Variants in ZNF382 observed in about 807,000 individuals in gnomAD.
ZNF382 encodes the protein KRAB/zinc finger suppressor protein 1.
Under a neutral mutation model 38.8 loss-of-function variants are expected in ZNF382, and 20 were observed. The observed-to-expected ratio is 0.51, with a 90% confidence interval of 0.36 to 0.75. The LOEUF is 0.75. Among genes scored for constraint, ZNF382 ranks in the 30% least tolerant of loss-of-function variants. The pLI is 0.00. For synonymous variants in ZNF382, 202 were observed against 223.1 expected (o/e 0.91, Z 0.84); for missense variants, 546 against 654.1 (o/e 0.83, Z 1.80).
intron 4 of ZNF382, among the ~76,000 whole-genome samples, chr19:36,619,950 C>G (rs2037156058): frequency 6.6e-6 from 1 of 152,100 alleles, no homozygotes; most frequent in Non-Finnish European, 1.5e-5. Context: ...CCAGGATGGT[C>G]TCTATCTCCT....
intron 1 of ZNF382, chr19:36,605,679 G>T (rs2037015341): frequency 1.3e-5 from 2 of 152,172 alleles, no homozygotes; most frequent in Non-Finnish European, 2.9e-5. Flanking sequence ...TCGCGCGCGC[G>T]GGCGCGCGCT....
chr19:36,622,581 G>A (rs1568631112), intron 4 of ZNF382, among the ~76,000 whole-genome samples: 1 of 152,178 alleles, frequency 6.6e-6, no homozygotes, highest in East Asian at 1.9e-4. Context: ...AGTGTCCAAA[G>A]TTTTTATTGG....
chr19:36,607,649 A>C (rs957635283), intron 2 of ZNF382, 27 bp downstream of exon 2: 4 of 1,511,474 alleles, frequency 2.6e-6, no homozygotes, highest in Non-Finnish European at 3.5e-6. Context: ...TCTCTTTCTG[A>C]AATAACTTTT....
chr19:36,608,105 G>T (rs1020451756), intron 2 of ZNF382: 2 of 154,056 alleles, frequency 1.3e-5, no homozygotes, highest in African/African-American at 4.8e-5. Flanking sequence ...TGGAGCAGAC[G>T]TGGAAAAACC....
intron 1 of ZNF382, 72 bp from the exon 2 acceptor site, chr19:36,607,480 C>G (rs2037043851): frequency 1.1e-6 from 1 of 886,246 alleles, no homozygotes; most frequent in Admixed American, 2.2e-5. Context: ...GCAGATTTAA[C>G]TGAGTTAATT....
rs1430647551 is a variant in ZNF382 at position 36,610,737 on chromosome 19, A to G, written c.227A>G (p.Tyr76Cys). The G allele has an allele frequency of 1.9e-6, 3 of 1,611,048 alleles. No homozygotes were observed. The highest frequency in any genetic ancestry group is 2.7e-5 in the African/African-American group (2 of 74,980). ...CAGAGAATTTTTCCAAGTTACAGCT[A>G]CCTAGGTGAGTCTATAAATGAAGTC... ...WTQRIFPSYS[Y>C]LEEDGKTEDV... The change falls in exon 4 of 5, where the codon TAC becomes TGC. Residue 76 changes from tyrosine (Y) to cysteine (C), a missense_variant. Transcript: ENST00000292928.
chr19:36,618,847 G>T (rs978295685), intron 4 of ZNF382, among the ~76,000 whole-genome samples: 5 of 152,100 alleles, frequency 3.3e-5, no homozygotes, highest in African/African-American at 1.2e-4. Flanking sequence ...AGACCACCCT[G>T]CCCAACATGG....
intron 3 of ZNF382, chr19:36,610,380 C>A: frequency 2.6e-6 from 1 of 381,396 alleles, no homozygotes. Context: ...CCACTTGAAC[C>A]TGGGAGACGA....
chr19:36,610,667 C>T lies in ZNF382; in HGVS notation c.157C>T (p.Pro53Ser). 4 of 1,612,844 alleles carry T rather than the reference C, an allele frequency of 2.5e-6. No individual in the cohort carries two copies. Among genetic ancestry groups the T allele is most frequent in the Non-Finnish European group, 3.4e-6 (4 of 1,179,412 alleles). Residue 53 changes from proline to serine, a missense_variant, in exon 4 of 5, where the codon CCT becomes TCT. Physicochemically the swap from Pro to Ser is moderately conservative, Grantham distance 74. Coordinates refer to ENST00000292928, the MANE Select transcript of ZNF382 (RefSeq NM_032825.5). ...ATCATCAGGGTTTCACATGGCTAAG[C>T]CTGATATGATCCGCAAGTTGGAACA... is the stretch of plus-strand genomic sequence containing the variant. The part of the protein sequence containing the change: ...FVSVGFHMAK[P>S]DMIRKLEQGE...
chr19:36,607,628 A>T lies in ZNF382; in HGVS notation c.-14+6A>T. ...ATCTCAAAGCCATGTCTCAGGTGAG[A>T]TGATGTTTCCTCTCTTTCTGAAATA... is the stretch of plus-strand genomic sequence containing the variant. On this transcript the variant is annotated splice_donor_region_variant and intron_variant, in intron 2 of 4. Transcript: ENST00000292928. 1.3e-5 allele frequency: 20 copies of T among 1,523,764 alleles called. No homozygotes were observed. The highest frequency in any genetic ancestry group is 1.7e-5 in the Non-Finnish European group (19 of 1,143,112). The allele number at this position is 1,523,764 out of a possible 1,614,324, so 94.4% of individuals were successfully genotyped here.
chr19:36,615,868 GC>G (rs1174995593), intron 4 of ZNF382, among the ~76,000 whole-genome samples: 4 of 151,914 alleles, frequency 2.6e-5, no homozygotes, highest in Non-Finnish European at 5.9e-5. Flanking sequence ...GACTAGTAAA[GC>G]CAAGTAGAAT....
chr19:36,618,729 T>G (rs1424941254), intron 4 of ZNF382, among the ~76,000 whole-genome samples: 2 of 152,144 alleles, frequency 1.3e-5, no homozygotes, highest in Non-Finnish European at 2.9e-5. Flanking sequence ...GATACAAACT[T>G]CTTTGTCTTA....
chr19:36,608,499 A>G (rs1236219701), intron 2 of ZNF382: 1 of 152,328 alleles, frequency 6.6e-6, no homozygotes, highest in South Asian at 2.1e-4. Flanking sequence ...CATATCTTTC[A>G]GAAAATTCCT....
At chr19:36,614,653 A>G (rs2037106644) in intron 4 of ZNF382, among the ~76,000 whole-genome samples, 1 of 152,098 alleles carries the variant, frequency 6.6e-6, no homozygotes, top group Non-Finnish European at 1.5e-5. Context: ...GTGGCTGGGC[A>G]TGGTGGCTCA....
rs1346812320 is a variant in ZNF382 at position 36,626,580 on chromosome 19, T to G, written c.683T>G (p.Phe228Cys). ...EKSFLMKGML[F>C]THTRAHRGER... ...TCCTTCCTGATGAAAGGAATGCTAT[T>G]TACACATACTAGAGCTCACAGAGGA... The change falls in exon 5 of 5, where the codon TTT becomes TGT. Residue 228 changes from phenylalanine to cysteine, a missense_variant. By Grantham distance (205) the Phe-to-Cys change is radical (BLOSUM62 -2). Coordinates refer to ENST00000292928, the MANE Select transcript of ZNF382 (RefSeq NM_032825.5). 2.5e-6 allele frequency: 4 copies of G among 1,614,030 alleles called. No homozygotes were observed. Among genetic ancestry groups the G allele is most frequent in the Admixed American group, 1.7e-5 (1 of 59,980 alleles).
chr19:36,625,004 G>A (rs2037198405), intron 4 of ZNF382, among the ~76,000 whole-genome samples: 2 of 149,094 alleles, frequency 1.3e-5, no homozygotes, highest in South Asian at 4.3e-4. Context: ...GGAGATCAAG[G>A]CTGCAGTGAG....
At chr19:36,611,379 C>G (rs961356728) in intron 4 of ZNF382, among the ~76,000 whole-genome samples, 1 of 152,134 alleles carries the variant, frequency 6.6e-6, no homozygotes, top group Non-Finnish European at 1.5e-5. Flanking sequence ...GTAAATTTGA[C>G]TACTCTAGGT....
chr19:36,620,648 A>G (rs1428955720), intron 4 of ZNF382, among the ~76,000 whole-genome samples: 1 of 152,210 alleles, frequency 6.6e-6, no homozygotes, highest in East Asian at 1.9e-4. Context: ...GTATATTTTA[A>G]TCTGCCAACA....
At chr19:36,607,152 G>A (rs144887771) in intron 1 of ZNF382, among the ~76,000 whole-genome samples, 107 of 151,808 alleles carry the variant, frequency 7.0e-4, no homozygotes, top group South Asian at 3.7e-3. Flanking sequence ...GTTGTCAACT[G>A]TCTTCATCAG....
Sources: gnomAD v4.1 joint callset for allele counts (sites outside exome capture counted in the v4.1 genomes callset) on GRCh38, gnomAD v4.1.1 for gene constraint, MANE v1.5 for transcripts, NCBI Gene and HGNC (gene_info 2026-07-23, HGNC 2026-07-21) for gene names.